Variants in RYK observed in about 807,000 individuals in gnomAD.
RYK encodes the protein inactive tyrosine-protein kinase RYK.
Under a neutral mutation model 70.2 loss-of-function variants are expected in RYK, and 21 were observed. The ratio of observed to expected loss-of-function variants is 0.30; its 90% CI spans 0.21 to 0.43. The LOEUF is 0.43. RYK is among the 20% of genes least tolerant of loss of function. The pLI, the probability that RYK is intolerant of heterozygous loss-of-function variation, is 1.00. For synonymous variants in RYK, 267 were observed against 278.0 expected, an observed-to-expected ratio of 0.96 and a Z score of 0.39; for missense variants, 604 against 753.3, an observed-to-expected ratio of 0.80 and a Z score of 2.32.
intron 2 of RYK, among the ~76,000 whole-genome samples, chr3:134,219,966 T>C (rs570481358): frequency 6.6e-6 from 1 of 152,312 alleles, no homozygotes; most frequent in East Asian, 1.9e-4. Context: ...TAACTATATA[T>C]AAAGTAAAAA....
chr3:134,177,638 A>G (rs1006510388), intron 11 of RYK, among the ~76,000 whole-genome samples: 1 of 152,222 alleles, frequency 6.6e-6, no homozygotes, highest in Non-Finnish European at 1.5e-5. Flanking sequence ...ATCTAGGACA[A>G]GTACCCTCAG....
intron 13 of RYK, among the ~76,000 whole-genome samples, chr3:134,161,370 T>C (rs2012465198): frequency 6.6e-6 from 1 of 152,376 alleles, no homozygotes; most frequent in South Asian, 2.1e-4. Flanking sequence ...GAAGCTGTCC[T>C]GTGCATTGTA....
chr3:134,243,902 T>C (rs2015387641), intron 1 of RYK, among the ~76,000 whole-genome samples: 1 of 152,168 alleles, frequency 6.6e-6, no homozygotes, highest in Non-Finnish European at 1.5e-5. Flanking sequence ...AATTCTGAGA[T>C]CTTCAGGGAA....
chr3:134,188,876 G>C lies in RYK; in HGVS notation c.1063C>G (p.Pro355Ala). 1 of 1,580,380 alleles carries C rather than the reference G, an allele frequency of 6.3e-7. No homozygotes were observed. The highest frequency in any genetic ancestry group is 8.7e-7 in the Non-Finnish European group (1 of 1,155,512). Residue 355 changes from proline to alanine, a missense_variant, in exon 9 of 15, where the codon CCA becomes GCA. By Grantham distance (27) the Pro-to-Ala change is conservative (BLOSUM62 -1). Coordinates refer to ENST00000623711, the MANE Select transcript of RYK (RefSeq NM_002958.4). Reference sequence around the variant, plus strand: ...ACAAATGCTTGTTTTTCTTTATTTGGATCTTTTTCATCTATTAAAATCCCA... The same window carrying C: ...ACAAATGCTTGTTTTTCTTTATTTGCATCTTTTTCATCTATTAAAATCCCA... ...FHGILIDEKD[P>A]NKEKQAFVKT...
At chr3:134,161,178 G>A (rs1576498763) in intron 13 of RYK, among the ~76,000 whole-genome samples, 1 of 152,298 alleles carries the variant, frequency 6.6e-6, no homozygotes, top group South Asian at 2.1e-4. Flanking sequence ...ATAATATACA[G>A]AGAAGTAAAA....
chr3:134,203,014 G>T, intron 5 of RYK, 140 bp from the exon 6 acceptor site: 2 of 687,454 alleles, frequency 2.9e-6, no homozygotes, highest in Non-Finnish European at 4.8e-6. Flanking sequence ...ATTGGTGGAA[G>T]TTCACATAAT....
intron 13 of RYK, among the ~76,000 whole-genome samples, chr3:134,162,999 G>A (rs1279000803): frequency 6.6e-6 from 1 of 152,218 alleles, no homozygotes; most frequent in Non-Finnish European, 1.5e-5. Context: ...TGATATTAAA[G>A]TTGGTGGTAT....
intron 12 of RYK, 36 bp from the exon 13 acceptor site, chr3:134,175,804 G>A: frequency 9.9e-6 from 16 of 1,610,280 alleles, no homozygotes; most frequent in Non-Finnish European, 1.3e-5. Flanking sequence ...AATGCAATCA[G>A]AGTATTAAAA....
At chr3:134,177,416 C>A (rs2108152962) in intron 11 of RYK, among the ~76,000 whole-genome samples, 1 of 152,334 alleles carries the variant, frequency 6.6e-6, no homozygotes, top group South Asian at 2.1e-4. Flanking sequence ...CTACCACTAC[C>A]ATCATAATAT....
chr3:134,179,003 T>G (rs1045980925), intron 10 of RYK: 1 of 152,152 alleles, frequency 6.6e-6, no homozygotes, highest in Admixed American at 6.5e-5. Context: ...CCTTAAAACA[T>G]TCCTACTCCT....
At chr3:134,158,308 G>A in intron 14 of RYK, 44 bp from the exon 15 acceptor site, 2 of 1,299,238 alleles carry the variant, frequency 1.5e-6, no homozygotes, top group Non-Finnish European at 2.1e-6. Flanking sequence ...TAAGGATACA[G>A]TATTCATAAC....
intron 11 of RYK, among the ~76,000 whole-genome samples, chr3:134,177,366 C>A (rs1250399810): frequency 7.0e-6 from 1 of 143,676 alleles, no homozygotes; most frequent in African/African-American, 2.5e-5. Flanking sequence ...AATGGGACAA[C>A]AAGATACAGC....
At chr3:134,216,792 C>CAAAAA (rs61441674) in intron 2 of RYK, among the ~76,000 whole-genome samples, 460 of 37,418 alleles carry the variant, frequency 0.012, 106 homozygotes, top group South Asian at 0.016. Flanking sequence ...GACTCTGTCT[C>CAAAAA]AAAAAAAAAA....
chr3:134,231,120 G>A (rs2015047100), intron 1 of RYK, among the ~76,000 whole-genome samples: 1 of 150,218 alleles, frequency 6.7e-6, no homozygotes, highest in Admixed American at 6.7e-5. Flanking sequence ...AGTATCAAGA[G>A]CATCTAGGAG....
At chr3:134,201,395 G>C (rs891249243) in intron 6 of RYK, among the ~76,000 whole-genome samples, 1 of 152,158 alleles carries the variant, frequency 6.6e-6, no homozygotes, top group Non-Finnish European at 1.5e-5. Context: ...TGCATGTTAA[G>C]ACTAATTAGG....
Position 134,175,700 on chromosome 3 carries a change from T to C in RYK, c.1484A>G (p.Tyr495Cys). Residue 495 changes from tyrosine to cysteine, a missense_variant, in exon 13 of 15, where the codon TAT becomes TGT. Transcript: ENST00000623711. ...ALSRDLFPMD[Y>C]HCLGDNENRP... is the part of the protein sequence containing the mutation. ...GTTTTCATTGTCCCCCAGACAGTGA[T>C]AGTCCATGGGGAACAAGTCTCTGGA... 2 of 1,613,672 alleles carry C rather than the reference T, an allele frequency of 1.2e-6. No homozygotes were observed. Among genetic ancestry groups the C allele is most frequent in the Non-Finnish European group, 1.7e-6 (2 of 1,179,584 alleles).
chr3:134,196,968 T>C (rs893859207), intron 6 of RYK, among the ~76,000 whole-genome samples: 7 of 152,194 alleles, frequency 4.6e-5, no homozygotes, highest in Non-Finnish European at 5.9e-5. Flanking sequence ...AAGATGTCCA[T>C]CATTTTAGGT....
At chr3:134,196,937 C>G (rs926776895) in intron 6 of RYK, among the ~76,000 whole-genome samples, 6 of 152,082 alleles carry the variant, frequency 3.9e-5, no homozygotes, top group Admixed American at 2.0e-4. Flanking sequence ...AATGAAATGC[C>G]CCCCCAGCAT....
intron 6 of RYK, among the ~76,000 whole-genome samples, chr3:134,195,520 T>C (rs951523907): frequency 2.6e-5 from 4 of 152,226 alleles, no homozygotes; most frequent in Non-Finnish European, 4.4e-5. Flanking sequence ...AAAGAGCCCA[T>C]GTCATTCAAT....
Sources: allele counts gnomAD v4.1 joint callset (sites outside exome capture counted in the v4.1 genomes callset), GRCh38; gene constraint gnomAD v4.1.1; transcripts MANE v1.5; gene names NCBI Gene and HGNC (gene_info 2026-07-23, HGNC 2026-07-21).